MTMR12: variants seen among roughly 807,000 people sequenced by gnomAD.
MTMR12 encodes myotubularin-related protein 12.
MTMR12 carries 33 observed loss-of-function variants against 96.7 expected under a neutral mutation model. That is an observed-to-expected ratio of 0.34 (90% confidence interval 0.26 to 0.46). The LOEUF is 0.46. Ranked by LOEUF, MTMR12 falls within the 20% of genes least tolerant of loss-of-function variation. The probability of loss-of-function intolerance (pLI) is 1.00; values close to 1 mark genes in which losing one functional copy is unlikely to be tolerated. For synonymous variants in MTMR12, 298 were observed against 327.2 expected, an observed-to-expected ratio of 0.91 and a Z score of 0.96; for missense variants, 721 against 896.1, an observed-to-expected ratio of 0.80 and a Z score of 2.49.
intron 2 of MTMR12, 123 bp downstream of exon 2, chr5:32,276,559 T>C (rs1298137111): frequency 2.6e-6 from 2 of 780,930 alleles, no homozygotes; most frequent in Non-Finnish European, 4.1e-6. Flanking sequence ...GTTTTTTCAA[T>C]TCATTACTGT....
In MTMR12 at chr5:32,243,534, G is replaced by T. The variant is rs753271421; in HGVS notation, c.1087C>A (p.Leu363Ile). Reference sequence around the variant, plus strand: ...GGTTTGAAATACCTGATTATGTCAAGCCAGCTGCTACTTTCCAACAGAGAA... The same window carrying T: ...GGTTTGAAATACCTGATTATGTCAATCCAGCTGCTACTTTCCAACAGAGAA... ...WFSLLESSSW[L>I]DIIRRCLKKA... The change falls in exon 11 of 16, where the codon CTT (leucine) becomes ATT (isoleucine). Residue 363 changes from leucine to isoleucine, a missense_variant. Leu to Ile is a conservative substitution (Grantham distance 5). Coordinates refer to ENST00000382142, the MANE Select transcript of MTMR12 (RefSeq NM_001040446.3). 168 of 1,610,872 alleles carry T rather than the reference G, an allele frequency of 1.0e-4. 3 individuals are homozygous for T. Among genetic ancestry groups the T allele is most frequent in the South Asian group, 9.9e-4 (90 of 90,932 alleles).
At chr5:32,307,145 G>A (rs1433842345) in intron 1 of MTMR12, among the ~76,000 whole-genome samples, 1 of 152,144 alleles carries the variant, frequency 6.6e-6, no homozygotes, top group Admixed American at 6.5e-5. Flanking sequence ...TGCTTGAAGT[G>A]TACAGAATAC....
chr5:32,306,312 C>T (rs140158148), intron 1 of MTMR12, among the ~76,000 whole-genome samples: 7 of 152,180 alleles, frequency 4.6e-5, no homozygotes, highest in African/African-American at 1.7e-4. Context: ...AATAGTATTC[C>T]CTTCATGAAA....
chr5:32,281,264 AC>A (rs1326752408), intron 1 of MTMR12, among the ~76,000 whole-genome samples: 20 of 149,574 alleles, frequency 1.3e-4, no homozygotes, highest in South Asian at 4.3e-4. Context: ...AAAAAAAAAA[AC>A]AAAAAAAACT....
rs72294899 is a variant in MTMR12, at chr5:32,268,508, T to TAAAA, written c.583+189_583+192dup. On this transcript the variant is annotated intron_variant, in intron 6 of 15. Transcript: ENST00000382142. ...GGGCTACAAAGCGAGACTCCATCTT[T>TAAAA]AAAAAAAAAAAAAAAAGATCACAGG... is the stretch of plus-strand genomic sequence containing the variant. 6.0e-3 allele frequency among the ~76,000 whole-genome samples: 813 copies of TAAAA among 136,206 alleles called. 29 individuals carry two copies. Among genetic ancestry groups the TAAAA allele is most frequent in the Admixed American group, 0.056 (751 of 13,504 alleles). The allele number at this position is 136,206 out of a possible 152,430, so 89.4% of individuals were successfully genotyped here.
At chr5:32,257,921 C>T (rs916027896) in intron 7 of MTMR12, among the ~76,000 whole-genome samples, 2 of 151,820 alleles carry the variant, frequency 1.3e-5, no homozygotes, top group Non-Finnish European at 2.9e-5. Context: ...TATAAAAATA[C>T]AAATATAAAT....
At chr5:32,269,210 A>G (rs1055694449) in intron 5 of MTMR12, among the ~76,000 whole-genome samples, 3 of 151,882 alleles carry the variant, frequency 2.0e-5, no homozygotes, top group African/African-American at 7.3e-5. Flanking sequence ...TATTTCTAGT[A>G]GAGACGGGGT....
intron 7 of MTMR12, among the ~76,000 whole-genome samples, chr5:32,260,349 G>A (rs1053432547): frequency 1.9e-4 from 29 of 151,792 alleles, no homozygotes; most frequent in African/African-American, 5.8e-4. Flanking sequence ...AATGGATGCT[G>A]GGGCACCAGT....
chr5:32,257,493 G>A (rs990858584), intron 7 of MTMR12, among the ~76,000 whole-genome samples: 5 of 151,872 alleles, frequency 3.3e-5, no homozygotes, highest in South Asian at 2.1e-4. Flanking sequence ...ATCATCAGCC[G>A]GGCATGGTGG....
At chr5:32,245,605 A>G (rs1410782933) in intron 10 of MTMR12, among the ~76,000 whole-genome samples, 2 of 152,120 alleles carry the variant, frequency 1.3e-5, no homozygotes, top group African/African-American at 4.8e-5. Flanking sequence ...AGGAGGGTAG[A>G]TCACTTGAGG....
intron 1 of MTMR12, among the ~76,000 whole-genome samples, chr5:32,280,410 C>T (rs1750248146): frequency 6.6e-6 from 1 of 152,190 alleles, no homozygotes; most frequent in African/African-American, 2.4e-5. Flanking sequence ...GCTAAAAGGA[C>T]ATAACACAGA....
Position 32,229,793 on chromosome 5 carries a change from G to C in MTMR12, c.2229C>G (p.Asp743Glu). ...DLAKREDEFV[D>E]LGDV ...AACAAACAGGTCACACATCCCCTAG[G>C]TCCACGAACTCATCTTCTCGTTTGG... Residue 743 changes from aspartate (D) to glutamate (E), a missense_variant, in exon 16 of 16, where the codon GAC (aspartate) becomes GAG (glutamate). Physicochemically the swap from Asp to Glu is conservative, Grantham distance 45. Transcript: ENST00000382142. 6.5e-7 allele frequency: 1 copy of C among 1,541,806 alleles called. No homozygotes were observed. The highest frequency in any genetic ancestry group is 8.7e-7 in the Non-Finnish European group (1 of 1,144,214).
At chr5:32,242,001 A>G in intron 12 of MTMR12, 56 bp downstream of exon 12, 1 of 1,449,000 alleles carries the variant, frequency 6.9e-7, no homozygotes. Flanking sequence ...ATATACAAAA[A>G]TTGAATCTCA....
At chr5:32,272,325 G>T (rs1749869267) in intron 3 of MTMR12, among the ~76,000 whole-genome samples, 2 of 151,862 alleles carry the variant, frequency 1.3e-5, no homozygotes. Flanking sequence ...AAATAAATGG[G>T]GAAATGCAGC....
intron 1 of MTMR12, among the ~76,000 whole-genome samples, chr5:32,288,567 A>G (rs746225970): frequency 2.0e-5 from 3 of 152,204 alleles, no homozygotes; most frequent in African/African-American, 4.8e-5. Context: ...TCTCTAATTT[A>G]TATAAACAGA....
intron 1 of MTMR12, among the ~76,000 whole-genome samples, chr5:32,285,515 ATTTG>A (rs1052969883): frequency 1.1e-4 from 17 of 152,042 alleles, no homozygotes; most frequent in Admixed American, 5.2e-4. Context: ...GCTACTTTTT[ATTTG>A]TTTATTTTAT....
rs1748162398 is a variant in MTMR12, at chr5:32,235,100, A to G, written c.1374T>C (p.Cys458=). ...GATGCTGGTGCACCAGCTGCCAGACACAATCTAGGAAAAGCAGGAACACAG... is the reference window on the plus strand; with the variant it reads ...GATGCTGGTGCACCAGCTGCCAGACGCAATCTAGGAAAAGCAGGAACACAG... ...EVPVFLLFLD[C]VWQLVHQHPP... is the part of the protein sequence containing the mutation. The change falls in exon 14 of 16, where the codon TGT becomes TGC. Residue 458 remains cysteine (C), a synonymous_variant. Transcript: ENST00000382142. The G allele has an allele frequency of 6.2e-7, 1 of 1,613,764 alleles. No homozygotes were observed. Among genetic ancestry groups the G allele is most frequent in the African/African-American group, 1.3e-5 (1 of 74,898 alleles).
intron 2 of MTMR12, among the ~76,000 whole-genome samples, chr5:32,275,628 A>G (rs1361695183): frequency 6.6e-6 from 1 of 152,250 alleles, no homozygotes; most frequent in Non-Finnish European, 1.5e-5. Context: ...ATCTTTGTCT[A>G]GTTTGTGAAA....
chr5:32,268,861 T>A, intron 5 of MTMR12, 67 bp from the exon 6 acceptor site: 2 of 1,326,292 alleles, frequency 1.5e-6, no homozygotes, highest in Non-Finnish European at 1.1e-6. Context: ...AAGACAAGAG[T>A]CAAGGTGTCT....
Sources: gnomAD v4.1 joint callset for allele counts (sites outside exome capture counted in the v4.1 genomes callset) on GRCh38, gnomAD v4.1.1 for gene constraint, MANE v1.5 for transcripts, NCBI Gene and HGNC (gene_info 2026-07-23, HGNC 2026-07-21) for gene names.